The following LRRC7 variants were observed in gnomAD, a reference collection of about 807,000 sequenced individuals.
LRRC7 encodes the protein leucine rich repeat containing 7.
LRRC7 carries 23 observed loss-of-function variants against 175.7 expected under a neutral mutation model. The ratio of observed to expected loss-of-function variants is 0.13; its 90% CI spans 0.09 to 0.19. The LOEUF is 0.19. Ranked by LOEUF, LRRC7 falls within the 10% of genes least tolerant of loss-of-function variation. The pLI is 1.00. For missense variants in LRRC7, 1,354 were observed against 1,904.7 expected, an observed-to-expected ratio of 0.71 and a Z score of 5.38; for synonymous variants, 685 against 680.9, an observed-to-expected ratio of 1.01 and a Z score of -0.09.
intron 4 of LRRC7, among the ~76,000 whole-genome samples, chr1:69,814,840 G>C (rs1046898374): frequency 2.0e-5 from 3 of 152,074 alleles, no homozygotes; most frequent in African/African-American, 7.2e-5. Flanking sequence ...ATGTTGCTGA[G>C]CATAAACTCC....
At chr1:69,852,138 C>T (rs1449841624) in intron 7 of LRRC7, among the ~76,000 whole-genome samples, 1 of 151,824 alleles carries the variant, frequency 6.6e-6, no homozygotes, top group Non-Finnish European at 1.5e-5. Flanking sequence ...CTCTTTGTTA[C>T]ATTGCCTTTT....
chr1:69,692,942 G>A (rs34227213), intron 2 of LRRC7, among the ~76,000 whole-genome samples: 11,970 of 152,194 alleles, frequency 0.079, 552 homozygotes, highest in East Asian at 0.14. Flanking sequence ...CCATGAGGAC[G>A]TGAATAGAAC....
At chr1:70,112,751 G>C (rs1042362031) in intron 26 of LRRC7, among the ~76,000 whole-genome samples, 7 of 152,088 alleles carry the variant, frequency 4.6e-5, no homozygotes, top group Non-Finnish European at 7.4e-5. Context: ...TGAAAGAAGG[G>C]AGTTTATTCC....
At chr1:69,897,652 C>T (rs1263417269) in intron 7 of LRRC7, among the ~76,000 whole-genome samples, 1 of 152,016 alleles carries the variant, frequency 6.6e-6, no homozygotes, top group Non-Finnish European at 1.5e-5. Context: ...CATTGTGGTG[C>T]TAAGTACAAA....
chr1:69,634,297 A>G (rs1652981761), intron 1 of LRRC7, among the ~76,000 whole-genome samples: 4 of 152,162 alleles, frequency 2.6e-5, no homozygotes. Context: ...GTCTGGCTCT[A>G]GAGCTTGCTA....
chr1:69,579,268 C>T lies in LRRC7; in HGVS notation c.2+10627C>T, dbSNP rs549708080. On this transcript the variant is annotated intron_variant, in intron 1 of 26. Transcript: ENST00000651989. Reference sequence around the variant, plus strand: ...GGATGTGAGTCAAGTTAGAAATTTACCCTCACACTGAGTAAAGATCACCGT... The same window carrying T: ...GGATGTGAGTCAAGTTAGAAATTTATCCTCACACTGAGTAAAGATCACCGT... Among the ~76,000 whole-genome samples the T allele has an allele frequency of 1.6e-3, 241 of 152,164 alleles. 1 individual carries two copies. Among genetic ancestry groups the T allele is most frequent in the African/African-American group, 5.5e-3 (229 of 41,538 alleles).
intron 3 of LRRC7, among the ~76,000 whole-genome samples, chr1:69,786,368 T>C (rs992140490): frequency 5.3e-5 from 8 of 152,102 alleles, no homozygotes; most frequent in Non-Finnish European, 1.0e-4. Context: ...TCCTTCTTCC[T>C]TTCCTTCCCT....
At chr1:69,582,048 T>C (rs1245060) in intron 1 of LRRC7, among the ~76,000 whole-genome samples, 61,440 of 152,024 alleles carry the variant, frequency 0.4, 13,255 homozygotes, top group Middle Eastern at 0.48. Flanking sequence ...ATACGTGGTA[T>C]CTTTTCCTGG....
At chr1:69,757,857 G>T (rs1483735491) in intron 2 of LRRC7, among the ~76,000 whole-genome samples, 1 of 151,690 alleles carries the variant, frequency 6.6e-6, no homozygotes. Flanking sequence ...GTGGGTTAAT[G>T]TGACTACTAG....
intron 2 of LRRC7, among the ~76,000 whole-genome samples, chr1:69,695,926 A>C (rs1662524752): frequency 6.6e-6 from 1 of 152,218 alleles, no homozygotes; most frequent in South Asian, 2.1e-4. Context: ...CCCAAGCAGA[A>C]ACCTGCTGCA....
chr1:70,086,493 A>G (rs1216204061), intron 24 of LRRC7, among the ~76,000 whole-genome samples: 5 of 152,144 alleles, frequency 3.3e-5, no homozygotes, highest in Admixed American at 3.3e-4. Flanking sequence ...TTAAAAGAAA[A>G]CTGAGTCTGG....
At chr1:69,779,491 T>C (rs1673234123) in intron 3 of LRRC7, among the ~76,000 whole-genome samples, 1 of 152,236 alleles carries the variant, frequency 6.6e-6, no homozygotes, top group African/African-American at 2.4e-5. Context: ...ATGCAAATTA[T>C]TATTGAATAC....
At chr1:69,770,806 G>T (rs1367873230) in intron 3 of LRRC7, among the ~76,000 whole-genome samples, 1 of 152,090 alleles carries the variant, frequency 6.6e-6, no homozygotes, top group African/African-American at 2.4e-5. Context: ...TCTATGGAGG[G>T]CTCTCCTTAG....
At chr1:69,959,377 A>G (rs1026472108) in intron 8 of LRRC7, among the ~76,000 whole-genome samples, 1 of 152,078 alleles carries the variant, frequency 6.6e-6, no homozygotes, top group Non-Finnish European at 1.5e-5. Context: ...AATTTAGCCT[A>G]TCAGTGATAT....
At position 70,023,285 on chromosome 1, in the gene LRRC7, A is replaced by G. The variant is rs1481937563; in HGVS notation, c.1705A>G (p.Ile569Val). The change falls in exon 17 of 27, where the codon ATA becomes GTA. Residue 569 changes from isoleucine to valine, a missense_variant. Coordinates refer to ENST00000651989, the MANE Select transcript of LRRC7 (RefSeq NM_001370785.2). ...QNDPQLAWGC[I>V]SGLQQERSMC... ...TGACCCACAGCTGGCATGGGGTTGT[A>G]TAAGTGGCCTCCAGCAGGAAAGGAG... 7 of 1,613,438 alleles carry G rather than the reference A, an allele frequency of 4.3e-6. No homozygotes were observed. In the Admixed American group the frequency reaches 5.0e-5, roughly 12 times the overall value.
chr1:70,023,216 G>T lies in LRRC7; in HGVS notation c.1636G>T (p.Ala546Ser). 6.2e-7 allele frequency: 1 copy of T among 1,611,198 alleles called. No homozygotes were observed. The highest frequency in any genetic ancestry group is 2.2e-5 in the East Asian group (1 of 44,708). Residue 546 changes from alanine (A) to serine (S), a missense_variant, in exon 17 of 27, where the codon GCC becomes TCC. Transcript: ENST00000651989. ...RLSGDCCTPW[A>S]RCDQQIQDMP... ...GTCTGGCGATTGCTGCACACCATGG[G>T]CCAGGTGTGATCAGCAGATCCAAGA...
chr1:69,621,360 A>G (rs1279120242), intron 1 of LRRC7, among the ~76,000 whole-genome samples: 1 of 152,060 alleles, frequency 6.6e-6, no homozygotes, highest in Admixed American at 6.6e-5. Flanking sequence ...GTATTTCTTT[A>G]TAGAGAAAAA....
intron 1 of LRRC7, among the ~76,000 whole-genome samples, chr1:69,617,360 C>T (rs1374803561): frequency 1.3e-5 from 2 of 151,800 alleles, no homozygotes; most frequent in Admixed American, 6.6e-5. Context: ...GATTTGCTTA[C>T]CATTGTATCA....
chr1:69,587,184 TACTC>T (rs1450648059), intron 1 of LRRC7, among the ~76,000 whole-genome samples: 2 of 152,170 alleles, frequency 1.3e-5, no homozygotes, highest in South Asian at 2.1e-4. Flanking sequence ...TCATATTACT[TACTC>T]GTCCAAACTT....
Sources: gnomAD v4.1 joint callset for allele counts (sites outside exome capture counted in the v4.1 genomes callset) on GRCh38, gnomAD v4.1.1 for gene constraint, MANE v1.5 for transcripts, NCBI Gene and HGNC (gene_info 2026-07-23, HGNC 2026-07-21) for gene names.